The following SLC30A8 variants were observed in gnomAD, a reference collection of about 807,000 sequenced individuals.
SLC30A8 encodes the protein proton-coupled zinc antiporter SLC30A8.
SLC30A8 carries 27 observed loss-of-function variants against 36.9 expected under a neutral mutation model. The observed-to-expected ratio is 0.73, with a 90% CI of 0.54 to 1.01. The LOEUF (loss-of-function observed/expected upper bound fraction) is 1.01. SLC30A8 is among the 50% of genes least tolerant of loss of function. The pLI is 0.00. For synonymous variants in SLC30A8, 164 were observed against 172.4 expected (o/e 0.95, Z 0.38); for missense variants, 439 against 452.0 (o/e 0.97, Z 0.26).
At chr8:117,151,881 A>C (rs1822207590) in intron 2 of SLC30A8, among the ~76,000 whole-genome samples, 1 of 152,158 alleles carries the variant, frequency 6.6e-6, no homozygotes, top group African/African-American at 2.4e-5. Flanking sequence ...AATCATTCTG[A>C]TTTTTGCAGT....
rs1822570518 is a variant in SLC30A8, at chr8:117,157,732, G to A, written c.460G>A (p.Val154Met). ...GCTCTCCATCCTGTGCATCTGGGTGGTGACTGGCGTGCTAGTGTACCTGGC... is the reference window on the plus strand; with the variant it reads ...GCTCTCCATCCTGTGCATCTGGGTGATGACTGGCGTGCTAGTGTACCTGGC... Reference protein sequence around the residue: ...ALLSILCIWVVTGVLVYLACE... With the variant: ...ALLSILCIWVMTGVLVYLACE... Residue 154 changes from valine (V) to methionine (M), a missense_variant, in exon 4 of 8, where the codon GTG becomes ATG. Val to Met is a conservative substitution (Grantham distance 21, BLOSUM62 1). Coordinates refer to ENST00000456015, the MANE Select transcript of SLC30A8 (RefSeq NM_173851.3). 5.0e-6 allele frequency: 8 copies of A among 1,614,124 alleles called. No homozygotes were observed. The highest frequency in any genetic ancestry group is 6.8e-6 in the Non-Finnish European group (8 of 1,180,004).
rs1385529620 is a variant in SLC30A8, at chr8:116,992,692, C to T, written c.-266+41573C>T. On this transcript the variant is annotated intron_variant, in intron 1 of 10. Transcript: ENST00000427715. ...TTGAGAAAAAAGTTCAGAAACCAAA[C>T]AGAGAGAGGAGGCTATGAGGCTAAC... Among the ~76,000 whole-genome samples, 12 of 137,142 alleles carry T rather than the reference C, an allele frequency of 8.8e-5. No individual in the cohort carries two copies. The East Asian group carries it at 2.1e-3, about 24-fold the overall frequency. 90.0% of individuals were successfully genotyped at this position (137,142 alleles called of 152,430 possible). A position where few individuals can be genotyped will look rare whatever the true frequency, so the allele number is the denominator to read the frequency against.
chr8:117,140,513 A>G (rs535724162), intron 1 of SLC30A8, among the ~76,000 whole-genome samples: 1 of 152,232 alleles, frequency 6.6e-6, no homozygotes, highest in South Asian at 2.1e-4. Flanking sequence ...AAAAAAGAAA[A>G]GATTCATTAT....
chr8:117,061,600 G>T (rs1471178541), intron 2 of SLC30A8, among the ~76,000 whole-genome samples: 1 of 152,080 alleles, frequency 6.6e-6, no homozygotes, highest in East Asian at 1.9e-4. Flanking sequence ...TATTAAAAAT[G>T]CTGTTTGGAC....
At chr8:117,016,780 C>T (rs7009891) in intron 1 of SLC30A8, among the ~76,000 whole-genome samples, 97,702 of 152,090 alleles carry the variant, frequency 0.64, 32,393 homozygotes, top group African/African-American at 0.81. Flanking sequence ...TGAGGGTAGA[C>T]GCTTAAGACA....
rs182557245 is a variant in SLC30A8 at position 117,140,283 on chromosome 8, A to G, written c.71+4885A>G. Among the ~76,000 whole-genome samples, 452 of 152,208 alleles carry G rather than the reference A, an allele frequency of 3.0e-3. 3 individuals are homozygous for G. Among genetic ancestry groups the G allele is most frequent in the South Asian group, 7.0e-3 (34 of 4,824 alleles). On this transcript the variant is annotated intron_variant, in intron 1 of 7. Transcript: ENST00000456015. ...GGTACATTGTTAAATGCATTAACAT[A>G]TTCATAATAAGAGGGCCAGAAGGAG...
intron 2 of SLC30A8, among the ~76,000 whole-genome samples, chr8:117,112,648 A>G (rs1820279202): frequency 1.3e-5 from 2 of 152,156 alleles, no homozygotes; most frequent in Admixed American, 6.5e-5. Flanking sequence ...TAGGAAGACA[A>G]TGTCTTCAAA....
intron 1 of SLC30A8, among the ~76,000 whole-genome samples, chr8:116,987,246 A>G (rs903440960): frequency 7.4e-6 from 1 of 134,670 alleles, no homozygotes; most frequent in Non-Finnish European, 1.5e-5. Context: ...TAGAGATAAC[A>G]TGGACACAGG....
chr8:116,969,290 C>A (rs75922230), intron 1 of SLC30A8, among the ~76,000 whole-genome samples: 5 of 152,206 alleles, frequency 3.3e-5, no homozygotes, highest in East Asian at 3.9e-4. Context: ...TAATGGTACA[C>A]GCCTATAATC....
At chr8:117,122,100 G>T (rs1820718618) in intron 2 of SLC30A8, among the ~76,000 whole-genome samples, 3 of 151,836 alleles carry the variant, frequency 2.0e-5, no homozygotes, top group Admixed American at 2.0e-4. Context: ...TTGCTTTATT[G>T]GGTGTTTATA....
chr8:117,150,161 C>CTCAA (rs2130975701), intron 2 of SLC30A8, among the ~76,000 whole-genome samples: 1 of 152,268 alleles, frequency 6.6e-6, no homozygotes, highest in East Asian at 1.9e-4. Flanking sequence ...TAAGTAACAA[C>CTCAA]TCAATGGGGT....
intron 2 of SLC30A8, among the ~76,000 whole-genome samples, chr8:117,106,337 T>G (rs1408476027): frequency 6.6e-6 from 1 of 152,184 alleles, no homozygotes. Flanking sequence ...AAATATAATT[T>G]CCCTTATGCA....
intron 1 of SLC30A8, among the ~76,000 whole-genome samples, chr8:117,009,411 G>T (rs1816275219): frequency 1.3e-5 from 2 of 152,184 alleles, no homozygotes; most frequent in Admixed American, 1.3e-4. Context: ...AACTTGAATT[G>T]CCCTTCAAGA....
chr8:117,067,482 T>C (rs990107593), intron 2 of SLC30A8, among the ~76,000 whole-genome samples: 4 of 152,170 alleles, frequency 2.6e-5, no homozygotes, highest in Non-Finnish European at 4.4e-5. Context: ...GTGACTTCTA[T>C]GGGCCCTTCT....
intron 1 of SLC30A8, among the ~76,000 whole-genome samples, chr8:116,986,774 T>C (rs1385326987): frequency 6.6e-6 from 1 of 152,140 alleles, no homozygotes; most frequent in Non-Finnish European, 1.5e-5. Flanking sequence ...AAGTGGATTT[T>C]CACTGCAACT....
At chr8:116,975,452 G>A (rs1185204337) in intron 1 of SLC30A8, among the ~76,000 whole-genome samples, 1 of 152,062 alleles carries the variant, frequency 6.6e-6, no homozygotes, top group African/African-American at 2.4e-5. Context: ...AAAATATGTG[G>A]TCTGTCTTAG....
chr8:117,086,435 A>G (rs114575018), intron 2 of SLC30A8, among the ~76,000 whole-genome samples: 4,540 of 152,286 alleles, frequency 0.03, 154 homozygotes, highest in African/African-American at 0.086. Flanking sequence ...GTGGAAAACT[A>G]TGTGCATCTA....
At chr8:117,076,203 T>G (rs1818483143) in intron 2 of SLC30A8, among the ~76,000 whole-genome samples, 2 of 152,232 alleles carry the variant, frequency 1.3e-5, no homozygotes, top group Non-Finnish European at 2.9e-5. Context: ...TCATGCCAGA[T>G]ATGCCAATAA....
intron 2 of SLC30A8, among the ~76,000 whole-genome samples, chr8:117,150,191 T>C (rs918532091): frequency 6.6e-6 from 1 of 152,238 alleles, no homozygotes; most frequent in Admixed American, 6.5e-5. Context: ...ACATATGGTA[T>C]AGTATAATAG....
Sources: gnomAD v4.1 joint callset for allele counts (sites outside exome capture counted in the v4.1 genomes callset) on GRCh38, gnomAD v4.1.1 for gene constraint, MANE v1.5 for transcripts, NCBI Gene and HGNC (gene_info 2026-07-23, HGNC 2026-07-21) for gene names.